Variants in DOCK10 observed in about 807,000 individuals in gnomAD.
DOCK10 encodes the protein dedicator of cytokinesis protein 10.
DOCK10 carries 145 observed loss-of-function variants against 280.1 expected under a neutral mutation model. The observed-to-expected ratio is 0.52, with a 90% CI of 0.45 to 0.59. DOCK10 has a LOEUF of 0.59. Among genes scored for constraint, DOCK10 ranks in the 20% least tolerant of loss-of-function variants. DOCK10 has a pLI of 0.00. For synonymous variants in DOCK10, 915 were observed against 942.2 expected (o/e 0.97, Z 0.53); for missense variants, 2,368 against 2,651.7 (o/e 0.89, Z 2.35).
intron 1 of DOCK10, among the ~76,000 whole-genome samples, chr2:224,963,827 G>C (rs1330213389): frequency 6.6e-6 from 1 of 152,104 alleles, no homozygotes; most frequent in Non-Finnish European, 1.5e-5. Flanking sequence ...TTTAAGAAAA[G>C]GTGGATGCAA....
chr2:224,860,722 T>C (rs1015864413), intron 14 of DOCK10: 4 of 152,124 alleles, frequency 2.6e-5, no homozygotes, highest in African/African-American at 9.7e-5. Context: ...TACAGGTGTA[T>C]GCTACCACCC....
rs114473170 is a variant in DOCK10, at chr2:224,992,272, C to T, written c.123+49980G>A. Among the ~76,000 whole-genome samples, 1,403 of 152,316 alleles carry T rather than the reference C, an allele frequency of 9.2e-3. 16 individuals are homozygous for T. Among genetic ancestry groups the T allele is most frequent in the African/African-American group, 0.032 (1,338 of 41,570 alleles). On this transcript the variant is annotated intron_variant, in intron 1 of 55. Coordinates refer to ENST00000258390, the MANE Select transcript of DOCK10 (RefSeq NM_014689.3). ...AATTGTGGCAGGAATTAACCACCCA[C>T]GTCTTAAACATTCCAAGTTAAATCT...
intron 1 of DOCK10, among the ~76,000 whole-genome samples, chr2:225,009,653 A>AAG (rs1331528495): frequency 6.9e-6 from 1 of 145,530 alleles, no homozygotes; most frequent in Middle Eastern, 3.6e-3. Flanking sequence ...AAAAAAAAAG[A>AAG]AAGAAAAAAG....
At chr2:224,801,294 A>AAAC (rs1303858768) in intron 40 of DOCK10, among the ~76,000 whole-genome samples, 14 of 151,518 alleles carry the variant, frequency 9.2e-5, no homozygotes, top group African/African-American at 2.2e-4. Flanking sequence ...AAAAAAAAAA[A>AAAC]AAAAAAAAAC....
At chr2:224,861,521 A>G (rs1487136273) in intron 14 of DOCK10, 1 of 152,236 alleles carries the variant, frequency 6.6e-6, no homozygotes, top group Non-Finnish European at 1.5e-5. Context: ...TGCTGCCCAA[A>G]CTTCCACATT....
intron 1 of DOCK10, chr2:224,983,700 A>G (rs1042540698): frequency 1.1e-5 from 5 of 465,738 alleles, no homozygotes; most frequent in Non-Finnish European, 1.3e-5. Context: ...GCATCGTTTT[A>G]ATTGGTATGT....
At chr2:224,866,285 T>C (rs1697906503) in intron 11 of DOCK10, among the ~76,000 whole-genome samples, 1 of 152,222 alleles carries the variant, frequency 6.6e-6, no homozygotes, top group South Asian at 2.1e-4. Context: ...TATTCTGACA[T>C]AAATTCAATC....
At chr2:224,814,902 C>T (rs1326847431) in intron 30 of DOCK10, among the ~76,000 whole-genome samples, 2 of 152,154 alleles carry the variant, frequency 1.3e-5, no homozygotes, top group Non-Finnish European at 2.9e-5. Flanking sequence ...ATTTTTCTAT[C>T]AGAATTTTGC....
At chr2:224,884,355 G>A (rs1460426631) in intron 7 of DOCK10, among the ~76,000 whole-genome samples, 1 of 152,206 alleles carries the variant, frequency 6.6e-6, no homozygotes, top group Non-Finnish European at 1.5e-5. Flanking sequence ...CAAGCTAGGT[G>A]AATGCTGAGG....
In DOCK10 at chr2:225,019,461, T is replaced by TC. The variant is rs58936404; in HGVS notation, c.123+22790dup. Among the ~76,000 whole-genome samples the TC allele has an allele frequency of 6.6e-5, 10 of 151,392 alleles. No individual in the cohort carries two copies. In the East Asian group the frequency reaches 1.7e-3, roughly 26 times the overall value. ...TGGTTTAATCTTTTTTTTTTTTTTTTCCTGGCTAAGATACAAATCCTCAAG... is the reference window on the plus strand; with the variant it reads ...TGGTTTAATCTTTTTTTTTTTTTTTTCCCTGGCTAAGATACAAATCCTCAAG... On this transcript the variant is annotated intron_variant, in intron 1 of 55. Coordinates refer to ENST00000258390, the MANE Select transcript of DOCK10 (RefSeq NM_014689.3).
At chr2:224,827,673 G>A (rs1420059528) in intron 27 of DOCK10, among the ~76,000 whole-genome samples, 1 of 152,182 alleles carries the variant, frequency 6.6e-6, no homozygotes, top group Admixed American at 6.5e-5. Flanking sequence ...GACCCCAGTA[G>A]AGCTTAACAA....
At chr2:224,887,781 C>CT (rs1332219140) in intron 4 of DOCK10, among the ~76,000 whole-genome samples, 2 of 152,144 alleles carry the variant, frequency 1.3e-5, no homozygotes, top group African/African-American at 2.4e-5. Flanking sequence ...TCAATAGTTA[C>CT]TTTTTTGTAA....
chr2:224,942,694 G>A (rs535316719), intron 1 of DOCK10, among the ~76,000 whole-genome samples: 7 of 151,912 alleles, frequency 4.6e-5, no homozygotes, highest in African/African-American at 1.7e-4. Context: ...ATAAAATAAT[G>A]TATATTAGAG....
chr2:224,865,871 A>ACACT (rs371659704), intron 11 of DOCK10, among the ~76,000 whole-genome samples: 3 of 145,736 alleles, frequency 2.1e-5, no homozygotes, highest in African/African-American at 7.7e-5. Context: ...ACACACACAC[A>ACACT]CTCTCTCTCT....
chr2:225,033,833 A>AACCG, intron 1 of DOCK10, among the ~76,000 whole-genome samples: 1 of 152,198 alleles, frequency 6.6e-6, no homozygotes, highest in South Asian at 2.1e-4. Flanking sequence ...CAACCCAACC[A>AACCG]CGCCCCCCAA....
chr2:224,987,795 GAACCTACAGTC>G (rs1254806244), intron 1 of DOCK10, among the ~76,000 whole-genome samples: 2 of 152,148 alleles, frequency 1.3e-5, no homozygotes, highest in Non-Finnish European at 2.9e-5. Context: ...GAGACTGACA[GAACCTACAGTC>G]AATATGGACT....
intron 1 of DOCK10, among the ~76,000 whole-genome samples, chr2:225,005,286 C>T (rs1042873592): frequency 3.9e-5 from 6 of 152,168 alleles, no homozygotes; most frequent in African/African-American, 1.4e-4. Flanking sequence ...ACTTTCTATT[C>T]TCCATGGGCC....
intron 27 of DOCK10, among the ~76,000 whole-genome samples, chr2:224,824,551 C>T (rs1234839715): frequency 6.6e-6 from 1 of 150,608 alleles, no homozygotes; most frequent in African/African-American, 2.5e-5. Context: ...ATTGTCCCAC[C>T]TCAGCCTCCC....
intron 1 of DOCK10, among the ~76,000 whole-genome samples, chr2:225,023,027 T>C (rs1335187241): frequency 6.6e-6 from 1 of 152,070 alleles, no homozygotes; most frequent in Admixed American, 6.5e-5. Context: ...ACAAATTTCC[T>C]CCTACAAGAC....
Sources: gnomAD v4.1 joint callset for allele counts (sites outside exome capture counted in the v4.1 genomes callset) on GRCh38, gnomAD v4.1.1 for gene constraint, MANE v1.5 for transcripts, NCBI Gene and HGNC (gene_info 2026-07-23, HGNC 2026-07-21) for gene names.